RPRD1B: variants seen among roughly 807,000 people sequenced by gnomAD.
RPRD1B encodes regulation of nuclear pre-mRNA domain-containing protein 1B.
RPRD1B carries 11 observed loss-of-function variants against 41.5 expected under a neutral mutation model. That is an observed-to-expected ratio of 0.27 (90% CI 0.17 to 0.44). The LOEUF is 0.44. Among genes scored for constraint, RPRD1B ranks in the 20% least tolerant of loss-of-function variants. RPRD1B has a pLI of 1.00. For synonymous variants in RPRD1B, 158 were observed against 155.6 expected (o/e 1.02, Z -0.12); for missense variants, 248 against 389.9 (o/e 0.64, Z 3.06).
At chr20:38,078,391 T>C (rs1399135141) in intron 6 of RPRD1B, among the ~76,000 whole-genome samples, 2 of 152,230 alleles carry the variant, frequency 1.3e-5, no homozygotes, top group Non-Finnish European at 2.9e-5. Flanking sequence ...CTTACCTAGT[T>C]AATTCCTGTG....
chr20:38,051,809 T>C (rs985516160), intron 3 of RPRD1B, among the ~76,000 whole-genome samples: 3 of 152,142 alleles, frequency 2.0e-5, no homozygotes, highest in African/African-American at 7.2e-5. Flanking sequence ...TGGAGTGCAA[T>C]GGCGGGACCT....
intron 6 of RPRD1B, among the ~76,000 whole-genome samples, chr20:38,072,686 G>T (rs1013176257): frequency 2.0e-5 from 3 of 152,172 alleles, no homozygotes; most frequent in Non-Finnish European, 2.9e-5. Flanking sequence ...AATTTCTGCT[G>T]CAGAATTTTA....
At chr20:38,036,026 A>G (rs1341551715) in intron 1 of RPRD1B, among the ~76,000 whole-genome samples, 3 of 151,972 alleles carry the variant, frequency 2.0e-5, no homozygotes, top group Non-Finnish European at 4.4e-5. Flanking sequence ...GGCCTCCCAA[A>G]GTGCTGGTAT....
intron 2 of RPRD1B, among the ~76,000 whole-genome samples, chr20:38,047,074 A>G (rs372784230): frequency 1.3e-5 from 2 of 152,220 alleles, no homozygotes; most frequent in South Asian, 2.1e-4. Flanking sequence ...AAGATGAGAA[A>G]TAACTCATTT....
chr20:38,076,322 TC>T lies in RPRD1B; in HGVS notation c.831+10068del, dbSNP rs201754013. On this transcript the variant is annotated intron_variant, in intron 6 of 6. Transcript: ENST00000373433. The stretch of plus-strand genomic sequence containing the variant: ...TCATTGATAAAGTAACACTTTACCT[TC>T]CTGGGACAACAGATTCCAACACCTT... 8.3e-3 allele frequency among the ~76,000 whole-genome samples: 1,268 copies of T among 152,314 alleles called. 10 individuals carry two copies. The highest frequency in any genetic ancestry group is 0.025 in the African/African-American group (1,039 of 41,560).
chr20:38,039,735 CTTT>C (rs11316507), intron 1 of RPRD1B, among the ~76,000 whole-genome samples: 16 of 136,620 alleles, frequency 1.2e-4, no homozygotes, highest in Non-Finnish European at 6.3e-5. Context: ...CTAACTCAGT[CTTT>C]TTTTTTTTTT....
chr20:38,083,017 C>T (rs1343447865), intron 6 of RPRD1B, among the ~76,000 whole-genome samples: 3 of 152,138 alleles, frequency 2.0e-5, no homozygotes, highest in Non-Finnish European at 4.4e-5. Flanking sequence ...CCCTTTGTTT[C>T]TCAGCTGTCC....
At chr20:38,053,367 G>A (rs977680490) in intron 3 of RPRD1B, among the ~76,000 whole-genome samples, 1 of 152,162 alleles carries the variant, frequency 6.6e-6, no homozygotes, top group Non-Finnish European at 1.5e-5. Context: ...AGTCATTTCT[G>A]GCCTAGCACT....
At chr20:38,065,689 C>T (rs1431647158) in intron 5 of RPRD1B, among the ~76,000 whole-genome samples, 1 of 152,108 alleles carries the variant, frequency 6.6e-6, no homozygotes, top group East Asian at 1.9e-4. Flanking sequence ...AGATACAGAA[C>T]CCACAGATAT....
At chr20:38,034,144 C>G (rs1241473774) in intron 1 of RPRD1B, 46 bp downstream of exon 1, 2 of 1,587,208 alleles carry the variant, frequency 1.3e-6, no homozygotes, top group Non-Finnish European at 1.7e-6. Context: ...GGATTGTCCT[C>G]TCGCCCACAT....
At chr20:38,057,511 A>T (rs2074255508) in intron 3 of RPRD1B, 21 bp from the exon 4 acceptor site, 1 of 1,569,076 alleles carries the variant, frequency 6.4e-7, no homozygotes, top group Non-Finnish European at 8.8e-7. Flanking sequence ...ACTCAAATTT[A>T]TTACTTTCTC....
intron 6 of RPRD1B, among the ~76,000 whole-genome samples, chr20:38,086,900 C>T (rs1393423879): frequency 6.6e-6 from 1 of 152,160 alleles, no homozygotes; most frequent in Non-Finnish European, 1.5e-5. Flanking sequence ...GTACCCCACC[C>T]TATACCCCCT....
At chr20:38,038,238 T>C (rs2074023226) in intron 1 of RPRD1B, among the ~76,000 whole-genome samples, 2 of 152,152 alleles carry the variant, frequency 1.3e-5, no homozygotes, top group Admixed American at 1.3e-4. Flanking sequence ...AGACATCAGT[T>C]TCATCAGTTT....
At chr20:38,068,396 A>G (rs1364428334) in intron 6 of RPRD1B, among the ~76,000 whole-genome samples, 1 of 152,164 alleles carries the variant, frequency 6.6e-6, no homozygotes, top group Non-Finnish European at 1.5e-5. Context: ...TAGATACAGT[A>G]TAAGGTTTTT....
Position 38,092,331 on chromosome 20 carries a change from T to C in RPRD1B, c.*2456T>C, listed in dbSNP as rs2074617940. On this transcript the variant is annotated 3_prime_UTR_variant, in exon 7 of 7. Coordinates refer to ENST00000373433, the MANE Select transcript of RPRD1B (RefSeq NM_021215.4). Reference sequence around the variant, plus strand: ...TATATTCTGAAATGTCTCATAGATATATATTTTTGAATAAAGATGGTGTTG... The same window carrying C: ...TATATTCTGAAATGTCTCATAGATACATATTTTTGAATAAAGATGGTGTTG... 5.1e-6 allele frequency: 5 copies of C among 984,410 alleles called. No individual in the cohort carries two copies. The highest frequency in any genetic ancestry group is 6.1e-5 in the Admixed American group (1 of 16,288). The allele number at this position is 984,410 out of a possible 1,614,324, so 61.0% of individuals were successfully genotyped here. A position where few individuals can be genotyped will look rare whatever the true frequency, so the allele number is the denominator to read the frequency against.
intron 6 of RPRD1B, among the ~76,000 whole-genome samples, chr20:38,071,659 A>G (rs1395222918): frequency 1.3e-5 from 2 of 152,156 alleles, no homozygotes; most frequent in African/African-American, 4.8e-5. Flanking sequence ...CCCACTAGCA[A>G]TGTGCGTGGG....
intron 2 of RPRD1B, among the ~76,000 whole-genome samples, chr20:38,044,872 C>T (rs1179351799): frequency 6.6e-6 from 1 of 151,942 alleles, no homozygotes; most frequent in Non-Finnish European, 1.5e-5. Context: ...GTAGGGAATA[C>T]TTAGAATTCC....
rs1219719918 is a variant in RPRD1B at position 38,090,627 on chromosome 20, T to C, written c.*752T>C. 1 of 985,336 alleles carries C rather than the reference T, an allele frequency of 1.0e-6. No individual in the cohort carries two copies. The highest frequency in any genetic ancestry group is 1.7e-5 in the African/African-American group (1 of 57,234). The allele number at this position is 985,336 out of a possible 1,614,324, so 61.0% of individuals were successfully genotyped here. ...CTTCCCATGCTGCACTTCTCCACTG[T>C]CGGAGCACGTTCCGAAAAACAGAAT... On this transcript the variant is annotated 3_prime_UTR_variant, in exon 7 of 7. Transcript: ENST00000373433.
At position 38,083,841 on chromosome 20, in the gene RPRD1B, G is replaced by A. The variant is rs938074193; in HGVS notation, c.832-5885G>A. On this transcript the variant is annotated intron_variant, in intron 6 of 6. Transcript: ENST00000373433. Reference sequence around the variant, plus strand: ...AGTGTCTTACTCAGCAGCTCCCGCCGTGCTGTGACACCCCAGAATGTGTCA... The same window carrying A: ...AGTGTCTTACTCAGCAGCTCCCGCCATGCTGTGACACCCCAGAATGTGTCA... 7.9e-5 allele frequency: 12 copies of A among 152,222 alleles called. No homozygotes were observed. In the South Asian group the frequency reaches 8.3e-4, roughly 11 times the overall value. The allele number at this position is 152,222 out of a possible 1,614,324, so 9.4% of individuals were successfully genotyped here.
Sources: allele counts gnomAD v4.1 joint callset (sites outside exome capture counted in the v4.1 genomes callset), GRCh38; gene constraint gnomAD v4.1.1; transcripts MANE v1.5; gene names NCBI Gene and HGNC (gene_info 2026-07-23, HGNC 2026-07-21).